The following DLGAP2 variants were observed in gnomAD, a reference collection of about 807,000 sequenced individuals.
The protein encoded by DLGAP2 is DLG associated protein 2, also known as disks large-associated protein 2.
Under a neutral mutation model 100.3 loss-of-function variants are expected in DLGAP2, and 26 were observed. The observed-to-expected ratio is 0.26, with a 90% confidence interval of 0.19 to 0.36. DLGAP2 has a LOEUF of 0.36. DLGAP2 is among the 10% of genes least tolerant of loss of function. DLGAP2 has a pLI of 1.00. For missense variants in DLGAP2, 1,858 were observed against 1,453.2 expected, an observed-to-expected ratio of 1.28 and a Z score of -4.53; for synonymous variants, 886 against 630.1, an observed-to-expected ratio of 1.41 and a Z score of -6.08.
intron 3 of DLGAP2, among the ~76,000 whole-genome samples, chr8:1,368,379 A>G (rs536127376): frequency 1.3e-5 from 2 of 151,620 alleles, no homozygotes; most frequent in African/African-American, 2.4e-5. Context: ...GCATGTGCAT[A>G]TGTGCATGTG....
intron 1 of DLGAP2, among the ~76,000 whole-genome samples, chr8:855,882 G>C (rs1797266940): frequency 6.6e-6 from 1 of 152,078 alleles, no homozygotes; most frequent in African/African-American, 2.4e-5. Context: ...AGTGAGCTAG[G>C]GATGGGGGAG....
chr8:1,081,258 T>C lies in DLGAP2; in HGVS notation c.73+173292T>C, dbSNP rs546388505. ...TCTATAGGAACTACTTACAGGTTCC[T>C]GCACTTAGTAAAAACTCAATAAAAA... On this transcript the variant is annotated intron_variant, in intron 2 of 14. Coordinates refer to ENST00000637795, the MANE Select transcript of DLGAP2 (RefSeq NM_001346810.2). 4.6e-5 allele frequency among the ~76,000 whole-genome samples: 7 copies of C among 152,366 alleles called. No homozygotes were observed. In the East Asian group the frequency reaches 1.3e-3, roughly 29 times the overall value.
intron 2 of DLGAP2, among the ~76,000 whole-genome samples, chr8:999,456 C>G (rs1013584388): frequency 6.7e-5 from 10 of 149,572 alleles, no homozygotes; most frequent in Non-Finnish European, 1.5e-4. Flanking sequence ...TGATTTACCT[C>G]TTGGTCTTGT....
chr8:809,171 C>G (rs535268667), intron 1 of DLGAP2, among the ~76,000 whole-genome samples: 1 of 152,144 alleles, frequency 6.6e-6, no homozygotes, highest in Admixed American at 6.5e-5. Context: ...TCCCAAAGTG[C>G]TGGAATTATA....
intron 1 of DLGAP2, among the ~76,000 whole-genome samples, chr8:846,381 C>A (rs1029037443): frequency 1.3e-5 from 2 of 152,210 alleles, no homozygotes; most frequent in East Asian, 3.8e-4. Context: ...TGAGTGAGAT[C>A]ATGTGGTGTT....
At chr8:1,355,607 C>T (rs1181976246) in intron 3 of DLGAP2, among the ~76,000 whole-genome samples, 1 of 152,164 alleles carries the variant, frequency 6.6e-6, no homozygotes, top group Non-Finnish European at 1.5e-5. Context: ...TCATGATCCA[C>T]CTGTCTCGGC....
At chr8:949,474 C>T (rs186363620) in intron 2 of DLGAP2, among the ~76,000 whole-genome samples, 6 of 152,112 alleles carry the variant, frequency 3.9e-5, no homozygotes, top group East Asian at 3.9e-4. Context: ...CCTGGGCTTC[C>T]GGAGCTGAAA....
At chr8:780,796 C>G (rs1821661914) in intron 1 of DLGAP2, among the ~76,000 whole-genome samples, 1 of 152,258 alleles carries the variant, frequency 6.6e-6, no homozygotes, top group African/African-American at 2.4e-5. Context: ...TCACCAAAGG[C>G]TGGTGCCCTG....
At chr8:841,770 C>T (rs1482344041) in intron 1 of DLGAP2, among the ~76,000 whole-genome samples, 2 of 152,058 alleles carry the variant, frequency 1.3e-5, no homozygotes, top group African/African-American at 4.8e-5. Flanking sequence ...GAAGACTAAC[C>T]GTCACATGAA....
chr8:1,356,594 C>T (rs776121633), intron 3 of DLGAP2, among the ~76,000 whole-genome samples: 51 of 151,988 alleles, frequency 3.4e-4, no homozygotes, highest in Admixed American at 6.6e-4. Context: ...CAGAACATGA[C>T]GGAGATGCGC....
rs1169056798 is a variant in DLGAP2 at position 1,691,581 on chromosome 8, G to A, written c.2751G>A (p.Met917Ile). ...CTGTTGGGAGTGCCCAGCTTCTCAT[G>A]TCCCAGAAATTCCAGCAGTTTTATT... is the stretch of plus-strand genomic sequence containing the variant. ...RSAVGSAQLL[M>I]SQKFQQFYWL... Residue 917 changes from methionine (M) to isoleucine (I), a missense_variant, in exon 13 of 15, where the codon ATG becomes ATA. Coordinates refer to ENST00000637795, the MANE Select transcript of DLGAP2 (RefSeq NM_001346810.2). 6.2e-7 allele frequency: 1 copy of A among 1,614,142 alleles called. No individual in the cohort carries two copies. The highest frequency in any genetic ancestry group is 8.5e-7 in the Non-Finnish European group (1 of 1,180,012).
chr8:1,457,994 A>G (rs1798364929), intron 3 of DLGAP2, among the ~76,000 whole-genome samples: 1 of 136,420 alleles, frequency 7.3e-6, no homozygotes, highest in African/African-American at 2.9e-5. Flanking sequence ...ATATATATAT[A>G]TATATATATA....
chr8:1,529,222 G>A (rs1455287567), intron 4 of DLGAP2, among the ~76,000 whole-genome samples: 1 of 152,172 alleles, frequency 6.6e-6, no homozygotes, highest in Non-Finnish European at 1.5e-5. Context: ...AAGGGGAAGA[G>A]CCCCTTGTAA....
intron 2 of DLGAP2, among the ~76,000 whole-genome samples, chr8:1,084,056 C>T (rs1461603396): frequency 1.3e-5 from 2 of 152,116 alleles, no homozygotes; most frequent in African/African-American, 4.8e-5. Context: ...TTTATTTTAT[C>T]TCATTGTTTG....
intron 3 of DLGAP2, among the ~76,000 whole-genome samples, chr8:1,320,386 C>A (rs1240490701): frequency 2.0e-5 from 3 of 152,080 alleles, no homozygotes; most frequent in Non-Finnish European, 2.9e-5. Context: ...ACACTGAACC[C>A]TGGAGCCGGA....
intron 3 of DLGAP2, among the ~76,000 whole-genome samples, chr8:1,487,009 G>C (rs554504810): frequency 6.6e-6 from 1 of 152,328 alleles, no homozygotes; most frequent in East Asian, 1.9e-4. Context: ...TCATTTCTTG[G>C]TGAAGTTTCA....
At chr8:821,823 C>G (rs1796588168) in intron 1 of DLGAP2, among the ~76,000 whole-genome samples, 2 of 152,132 alleles carry the variant, frequency 1.3e-5, no homozygotes, top group African/African-American at 4.8e-5. Flanking sequence ...ATTTCAAATC[C>G]TGCTTTAGAA....
At position 1,690,703 on chromosome 8, in the gene DLGAP2, C is replaced by CAAAAAAAAAAA. The variant is rs71190752; in HGVS notation, c.2705-816_2705-806dup. 9.3e-3 allele frequency among the ~76,000 whole-genome samples: 577 copies of CAAAAAAAAAAA among 62,038 alleles called. 17 individuals carry two copies. The highest frequency in any genetic ancestry group is 0.013 in the East Asian group (26 of 1,944). The allele number at this position is 62,038 out of a possible 152,430, so 40.7% of individuals were successfully genotyped here. A position where few individuals can be genotyped will look rare whatever the true frequency, so the allele number is the denominator to read the frequency against. On this transcript the variant is annotated intron_variant, in intron 12 of 14. Transcript: ENST00000637795. ...TGGGCGATAAAGGGAGACCCTATCT[C>CAAAAAAAAAAA]AAAAAAAAAAAAAAAAAAAAAAAAA...
At chr8:1,473,889 C>T (rs1050349653) in intron 3 of DLGAP2, among the ~76,000 whole-genome samples, 15 of 152,184 alleles carry the variant, frequency 9.9e-5, no homozygotes, top group Non-Finnish European at 1.5e-4. Flanking sequence ...GATTGTGAGG[C>T]CTCCCCAGCC....
Sources: allele counts gnomAD v4.1 joint callset (sites outside exome capture counted in the v4.1 genomes callset), GRCh38; gene constraint gnomAD v4.1.1; transcripts MANE v1.5; gene names NCBI Gene and HGNC (gene_info 2026-07-23, HGNC 2026-07-21).